Variants in AGAP1 observed in about 807,000 individuals in gnomAD.
AGAP1 encodes the protein arf-GAP with GTPase, ANK repeat and PH domain-containing protein 1.
A neutral mutation model predicts 105.3 loss-of-function variants in AGAP1; 29 were observed. The ratio of observed to expected loss-of-function variants is 0.28; its 90% confidence interval spans 0.21 to 0.38. AGAP1 has a LOEUF of 0.38. AGAP1 is among the 10% of genes least tolerant of loss of function. AGAP1 has a pLI of 1.00. For synonymous variants in AGAP1, 509 were observed against 485.9 expected (o/e 1.05, Z -0.63); for missense variants, 998 against 1,165.1 (o/e 0.86, Z 2.09).
chr2:235,684,838 A>G (rs1949293332), intron 1 of AGAP1, among the ~76,000 whole-genome samples: 1 of 152,168 alleles, frequency 6.6e-6, no homozygotes, highest in Admixed American at 6.6e-5. Context: ...GACCAACAGG[A>G]GAGACTATCT....
rs2058649229 is a variant in AGAP1 at position 236,076,914 on chromosome 2, A to G, written c.2114+27633A>G. ...TGAGCCTAGGAGTTCAAGACCAGCC[A>G]GGGCAACATGGCAAAACCCTGTCAC... On this transcript the variant is annotated intron_variant, in intron 16 of 17. Coordinates refer to ENST00000304032, the MANE Select transcript of AGAP1 (RefSeq NM_001037131.3). This position sits in a 1 kb window ranked among gnomAD's most constrained non-coding sequence, Gnocchi z 4.4. Among the ~76,000 whole-genome samples, 1 of 151,646 alleles carries G rather than the reference A, an allele frequency of 6.6e-6. No individual in the cohort carries two copies. Among genetic ancestry groups the G allele is most frequent in the African/African-American group, 2.4e-5 (1 of 41,292 alleles).
At position 235,872,814 on chromosome 2, in the gene AGAP1, T is replaced by G. The variant is rs868102220; in HGVS notation, c.1051-10531T>G. On this transcript the variant is annotated intron_variant, in intron 9 of 17. Coordinates refer to ENST00000304032, the MANE Select transcript of AGAP1 (RefSeq NM_001037131.3). The surrounding 1 kb of genome is among the most constrained non-coding windows in gnomAD (Gnocchi z 4.5). ...TTTAGCTGCTGCACATGGGGGATGC[T>G]GAGTGTGTTCAGAGGGGCGTCCCAT... is the stretch of plus-strand genomic sequence containing the variant. Among the ~76,000 whole-genome samples the G allele has an allele frequency of 1.3e-5, 2 of 152,214 alleles. No homozygotes were observed. The highest frequency in any genetic ancestry group is 4.8e-5 in the African/African-American group (2 of 41,462).
rs542703711 is a variant in AGAP1 at position 235,872,659 on chromosome 2, T to C, written c.1051-10686T>C. Among the ~76,000 whole-genome samples the C allele has an allele frequency of 1.3e-5, 2 of 152,270 alleles. No individual in the cohort carries two copies. The highest frequency in any genetic ancestry group is 3.9e-4 in the East Asian group (2 of 5,168). On this transcript the variant is annotated intron_variant, in intron 9 of 17. Coordinates refer to ENST00000304032, the MANE Select transcript of AGAP1 (RefSeq NM_001037131.3). The surrounding 1 kb of genome is among the most constrained non-coding windows in gnomAD (Gnocchi z 4.5). ...TTCTTGGTCCTTAGAGTAGGAAGTG[T>C]GAAAGTTCGGACTGATTGAACATAG... is the stretch of plus-strand genomic sequence containing the variant.
In AGAP1 at chr2:235,902,060, A is replaced by C. The variant is rs985404123; in HGVS notation, c.1156-6678A>C. On this transcript the variant is annotated intron_variant, in intron 10 of 17. Transcript: ENST00000304032. The stretch of plus-strand genomic sequence containing the variant: ...ATTTTTGTGAAAAGTATAATTTTCA[A>C]AATAAAAAATCATGAGAAGGGTTGC... 8.5e-5 allele frequency among the ~76,000 whole-genome samples: 13 copies of C among 152,362 alleles called. No individual in the cohort carries two copies. In the South Asian group the frequency reaches 2.7e-3, roughly 32 times the overall value.
chr2:236,069,049 C>A (rs1403764978), intron 16 of AGAP1, among the ~76,000 whole-genome samples: 1 of 151,528 alleles, frequency 6.6e-6, no homozygotes, highest in African/African-American at 2.4e-5. Context: ...ATCACTTGAA[C>A]CCGCGAGGTG....
At chr2:235,863,785 G>A (rs930597823) in intron 9 of AGAP1, among the ~76,000 whole-genome samples, 2 of 152,220 alleles carry the variant, frequency 1.3e-5, no homozygotes, top group Non-Finnish European at 2.9e-5. Flanking sequence ...TGGGACACCA[G>A]GTAGTGATGT....
At chr2:235,730,495 A>AAC (rs1951885579) in intron 3 of AGAP1, among the ~76,000 whole-genome samples, 2 of 151,136 alleles carry the variant, frequency 1.3e-5, no homozygotes, top group South Asian at 4.2e-4. Flanking sequence ...AAAAAAAAAA[A>AAC]AAACGAGACA....
Position 236,018,190 on chromosome 2 carries a change from A to ATTC in AGAP1, c.1646-18370_1646-18369insTCT, listed in dbSNP as rs1472869551. Among the ~76,000 whole-genome samples, 889 of 152,350 alleles carry ATTC rather than the reference A, an allele frequency of 5.8e-3. 4 individuals are homozygous for ATTC. The highest frequency in any genetic ancestry group is 0.02 in the African/African-American group (839 of 41,576). On this transcript the variant is annotated intron_variant, in intron 13 of 17. Transcript: ENST00000304032. ...TGAAATTGAGTTTTCTTCAGCCAGAATGCAGCTGTAACTTTAACATCTCAG... is the reference window on the plus strand; with the variant it reads ...TGAAATTGAGTTTTCTTCAGCCAGAATTCTGCAGCTGTAACTTTAACATCTCAG...
At position 235,709,220 on chromosome 2, in the gene AGAP1, G is replaced by C; in HGVS notation, c.205G>C (p.Val69Leu). Residue 69 changes from valine to leucine, a missense_variant, in exon 2 of 18, where the codon GTC becomes CTC. Val to Leu is a conservative substitution (Grantham distance 32). Around this residue, in one of 3 missense-constraint regions of AGAP1, gnomAD observed 735 missense variants for 833.4 expected, o/e 0.88. Transcript: ENST00000304032. ...NSQEWTLSRSVPELKVGIVGN... is the reference protein window; with the variant it reads ...NSQEWTLSRSLPELKVGIVGN... ...CCAGGAATGGACGCTGAGTCGATCTGTCCCGGAGCTCAAAGTGGTGAGTGG... is the reference window on the plus strand; with the variant it reads ...CCAGGAATGGACGCTGAGTCGATCTCTCCCGGAGCTCAAAGTGGTGAGTGG... The C allele has an allele frequency of 6.2e-7, 1 of 1,614,096 alleles. No individual in the cohort carries two copies. The highest frequency in any genetic ancestry group is 8.5e-7 in the Non-Finnish European group (1 of 1,180,012).
Position 236,114,435 on chromosome 2 carries a change from G to C in AGAP1, c.2115-5757G>C, listed in dbSNP as rs1365325774. ...TGGAGACGCTAGTGAGAAAGATGAA[G>C]GATGCTATCCAGAGTATGTGTCAGC... On this transcript the variant is annotated intron_variant, in intron 16 of 17. Transcript: ENST00000304032. This position sits in a 1 kb window ranked among gnomAD's most constrained non-coding sequence, Gnocchi z 5.0. Among the ~76,000 whole-genome samples the C allele has an allele frequency of 6.6e-6, 1 of 152,232 alleles. No homozygotes were observed. Among genetic ancestry groups the C allele is most frequent in the Non-Finnish European group, 1.5e-5 (1 of 68,046 alleles).
chr2:235,682,205 GTTTGT>G (rs1473163318), intron 1 of AGAP1, among the ~76,000 whole-genome samples: 1 of 151,720 alleles, frequency 6.6e-6, no homozygotes, highest in Non-Finnish European at 1.5e-5. Context: ...TGTTTTTTTT[GTTTGT>G]TTTAATATAG....
At chr2:235,584,318 GTTC>G (rs2149196332) in intron 1 of AGAP1, among the ~76,000 whole-genome samples, 1 of 150,398 alleles carries the variant, frequency 6.6e-6, no homozygotes, top group Non-Finnish European at 1.5e-5. Context: ...TGCACTCTTT[GTTC>G]TTATAGGAAC....
At chr2:235,650,054 A>G (rs542898877) in intron 1 of AGAP1, among the ~76,000 whole-genome samples, 1 of 152,320 alleles carries the variant, frequency 6.6e-6, no homozygotes, top group African/African-American at 2.4e-5. Context: ...TGGATGGAAA[A>G]TATTAAAATA....
chr2:236,049,066 C>A lies in AGAP1; in HGVS notation c.1899C>A (p.Asn633Lys), dbSNP rs373831177. The change falls in exon 16 of 18, where the codon AAC (asparagine) becomes AAA (lysine). Residue 633 changes from asparagine to lysine, a missense_variant. Asn to Lys is a moderately conservative substitution (Grantham distance 94). Around this residue, in one of 3 missense-constraint regions of AGAP1, gnomAD observed 28 missense variants for 61.0 expected, o/e 0.46. Coordinates refer to ENST00000304032, the MANE Select transcript of AGAP1 (RefSeq NM_001037131.3). ...CTGTTCCTCTTCCCGTAGATCCCAA[C>A]TGGGCCAGTTTGAACTTGGGAGCCC... ...HCVDCETQNPNWASLNLGALM... is the reference protein window; with the variant it reads ...HCVDCETQNPKWASLNLGALM... The A allele has an allele frequency of 2.5e-6, 4 of 1,613,856 alleles. No individual in the cohort carries two copies. In the Admixed American group the frequency reaches 5.0e-5, roughly 20 times the overall value.
Position 235,900,248 on chromosome 2 carries a change from T to G in AGAP1, c.1156-8490T>G, listed in dbSNP as rs1368885678. Reference sequence around the variant, plus strand: ...ACTCTTCCTTACCTCCATGATGGAGTAGTAGACTGATTTCATCTTGATAGT... The same window carrying G: ...ACTCTTCCTTACCTCCATGATGGAGGAGTAGACTGATTTCATCTTGATAGT... On this transcript the variant is annotated intron_variant, in intron 10 of 17. Coordinates refer to ENST00000304032, the MANE Select transcript of AGAP1 (RefSeq NM_001037131.3). The surrounding 1 kb of genome is among the most constrained non-coding windows in gnomAD (Gnocchi z 5.5). 2.0e-5 allele frequency among the ~76,000 whole-genome samples: 3 copies of G among 152,188 alleles called. No homozygotes were observed. The highest frequency in any genetic ancestry group is 4.4e-5 in the Non-Finnish European group (3 of 68,034).
intron 3 of AGAP1, among the ~76,000 whole-genome samples, chr2:235,718,890 C>T (rs990000009): frequency 7.9e-5 from 12 of 152,142 alleles, no homozygotes. Flanking sequence ...TGAGCAAAGG[C>T]CACATTTTGT....
In AGAP1 at chr2:235,747,735, C is replaced by G. The variant is rs1010089497; in HGVS notation, c.539-2619C>G. Among the ~76,000 whole-genome samples, 1 of 152,214 alleles carries G rather than the reference C, an allele frequency of 6.6e-6. No individual in the cohort carries two copies. The highest frequency in any genetic ancestry group is 1.5e-5 in the Non-Finnish European group (1 of 68,034). On this transcript the variant is annotated intron_variant, in intron 5 of 17. Coordinates refer to ENST00000304032, the MANE Select transcript of AGAP1 (RefSeq NM_001037131.3). The surrounding 1 kb of genome is among the most constrained non-coding windows in gnomAD (Gnocchi z 5.0). ...ACTTGCTCTCCGTGAAGCCCGTGCT[C>G]GGCTGCTCTTTCAGGGGTTTGGCTT...
intron 6 of AGAP1, among the ~76,000 whole-genome samples, chr2:235,773,525 C>G (rs1303801687): frequency 2.0e-5 from 3 of 152,190 alleles, no homozygotes; most frequent in Non-Finnish European, 4.4e-5. Flanking sequence ...AGGGAGCAGC[C>G]TCAGGTCCTT....
intron 13 of AGAP1, among the ~76,000 whole-genome samples, chr2:235,996,776 T>C (rs551067416): frequency 3.9e-4 from 59 of 152,358 alleles, no homozygotes; most frequent in African/African-American, 1.4e-3. Flanking sequence ...TTGTGGTTAA[T>C]GGAAAGCAAA....
Sources: gnomAD v4.1 joint callset for allele counts (sites outside exome capture counted in the v4.1 genomes callset) on GRCh38, gnomAD v4.1.1 for gene constraint, gnomAD v4.1.1 regional missense constraint, Gnocchi (gnomAD v3.1) non-coding constraint, MANE v1.5 for transcripts, NCBI Gene and HGNC (gene_info 2026-07-23, HGNC 2026-07-21) for gene names.